ANKRD36C: variants seen among roughly 807,000 people sequenced by gnomAD.
ANKRD36C encodes ankyrin repeat domain-containing protein 36C.
A neutral mutation model predicts 276.4 loss-of-function variants in ANKRD36C; 61 were observed. The ratio of observed to expected loss-of-function variants is 0.22; its 90% CI spans 0.18 to 0.27. ANKRD36C has a LOEUF of 0.27. Among genes scored for constraint, ANKRD36C ranks in the 10% least tolerant of loss-of-function variants. The pLI is 1.00. For synonymous variants in ANKRD36C, 483 were observed against 680.1 expected (o/e 0.71, Z 4.51); for missense variants, 1,447 against 2,032.3 (o/e 0.71, Z 5.54).
chr2:95,881,327 A>G (rs1209682544), intron 56 of ANKRD36C, among the ~76,000 whole-genome samples: 1 of 152,228 alleles, frequency 6.6e-6, no homozygotes, highest in Admixed American at 6.5e-5. Flanking sequence ...ATAATAAATT[A>G]TACATATTTA....
At chr2:95,916,268 C>T (rs1280846831) in intron 36 of ANKRD36C, 97 bp from the exon 39 acceptor site, 1 of 1,564,872 alleles carries the variant, frequency 6.4e-7, no homozygotes, top group Non-Finnish European at 8.6e-7. Flanking sequence ...GAACTCCTGC[C>T]TGTATTAGTG....
rs536833000 is a variant in ANKRD36C at position 95,858,486 on chromosome 2, G to T, written c.3897-994C>A. Among the ~76,000 whole-genome samples, 6 of 152,130 alleles carry T rather than the reference G, an allele frequency of 3.9e-5. No individual in the cohort carries two copies. The East Asian group carries it at 7.7e-4, about 20-fold the overall frequency. ...TAACTCTAGTAAATATTATGAAAAA[G>T]GATGTTGAAAATTATTCAGTAAAGT... On this transcript the variant is annotated intron_variant, in intron 61 of 66. Transcript: ENST00000456556.
At chr2:95,960,528 G>A (rs777163443) in exon 10 of ANKRD36C, 17 of 1,523,520 alleles carry the variant, frequency 1.1e-5, no homozygotes, top group African/African-American at 5.6e-5. Context: ...AAACAGAATC[G>A]TTCTTGTCAC....
Position 95,927,292 on chromosome 2 carries a change from T to C in ANKRD36C, c.1867-6A>G, listed in dbSNP as rs372277988. 2.5e-5 allele frequency: 41 copies of C among 1,609,688 alleles called. No individual in the cohort carries two copies. The highest frequency in any genetic ancestry group is 3.4e-5 in the Non-Finnish European group (40 of 1,178,062). On this transcript the variant is annotated splice_polypyrimidine_tract_variant and splice_region_variant and intron_variant, in intron 27 of 66. Coordinates refer to ENST00000456556, the Ensembl canonical transcript of ANKRD36C. ...TCTTTCTCATCACTTGTAGCCTGAA[T>C]GGGATTTGAAACAAAATAATCAATA... is the stretch of plus-strand genomic sequence containing the variant.
chr2:95,982,463 G>A, intron 3 of ANKRD36C, 101 bp from the exon 4 acceptor site: 1 of 1,057,132 alleles, frequency 9.5e-7, no homozygotes. Context: ...ATATACAATT[G>A]AAAGGTCGTA....
At chr2:95,910,868 T>C (rs970650249) in intron 42 of ANKRD36C, among the ~76,000 whole-genome samples, 1 of 151,422 alleles carries the variant, frequency 6.6e-6, no homozygotes, top group African/African-American at 2.4e-5. Flanking sequence ...ACAAATGTGA[T>C]CTAAAATCAG....
chr2:95,923,546 A>T (rs1677330471), exon 32 of ANKRD36C: 1 of 1,610,828 alleles, frequency 6.2e-7, no homozygotes, highest in South Asian at 1.1e-5. Context: ...TTCAAAGCAG[A>T]ATCTGTCTTG....
intron 44 of ANKRD36C, among the ~76,000 whole-genome samples, chr2:95,892,091 A>G (rs1676382998): frequency 4.6e-5 from 7 of 151,582 alleles, no homozygotes; most frequent in South Asian, 4.1e-4. Context: ...GATTTGTCAT[A>G]TGTCGAAAAC....
At chr2:95,990,512 GCA>G (rs1448964803) in intron 1 of ANKRD36C, among the ~76,000 whole-genome samples, 1 of 152,136 alleles carries the variant, frequency 6.6e-6, no homozygotes, top group Non-Finnish European at 1.5e-5. Context: ...ATCTAGAAAG[GCA>G]AGTCTTTTTT....
Position 95,986,750 on chromosome 2 carries a change from C to T in ANKRD36C, c.486+1G>A. 6.2e-7 allele frequency: 1 copy of T among 1,610,472 alleles called. No individual in the cohort carries two copies. On this transcript the variant is annotated splice_donor_variant, in intron 3 of 66. Transcript: ENST00000456556. LOFTEE classifies it high-confidence loss of function. Reference sequence around the variant, plus strand: ...TGAAAATAACATTGGTTGACCTATACCTCGCTGCATTCTTCAATATTTGCA... The same window carrying T: ...TGAAAATAACATTGGTTGACCTATATCTCGCTGCATTCTTCAATATTTGCA...
At chr2:95,924,639 C>T (rs1358093845) in intron 30 of ANKRD36C, among the ~76,000 whole-genome samples, 2 of 151,586 alleles carry the variant, frequency 1.3e-5, no homozygotes, top group Non-Finnish European at 3.0e-5. Context: ...TAAATTTTAA[C>T]TCATTTGAAT....
At chr2:95,939,904 C>CA (rs766269670) in intron 20 of ANKRD36C, among the ~76,000 whole-genome samples, 7 of 152,104 alleles carry the variant, frequency 4.6e-5, no homozygotes, top group South Asian at 4.1e-4. Context: ...TTCACTTATG[C>CA]AAAAAAAAAG....
intron 56 of ANKRD36C, 21 bp from the exon 77 acceptor site, chr2:95,880,644 A>G: frequency 6.6e-7 from 1 of 1,515,452 alleles, no homozygotes; most frequent in Middle Eastern, 1.7e-4. Context: ...AGAGAAATAT[A>G]TAATCAATCA....
intron 6 of ANKRD36C, among the ~76,000 whole-genome samples, chr2:95,976,185 T>C (rs961629687): frequency 3.9e-5 from 6 of 152,236 alleles, no homozygotes; most frequent in South Asian, 2.1e-4. Context: ...TTGGTGGGAC[T>C]GTAAACTAGT....
chr2:95,861,566 T>C (rs1675584017), intron 60 of ANKRD36C, among the ~76,000 whole-genome samples: 1 of 151,170 alleles, frequency 6.6e-6, no homozygotes, highest in South Asian at 2.1e-4. Flanking sequence ...AATTATATAC[T>C]AAAAATCCTA....
At position 95,851,207 on chromosome 2, in the gene ANKRD36C, C is replaced by G. The variant is rs979599857; in HGVS notation, c.5314-12G>C. ...AACACCTGCAGCATCTGAAATAAAT[C>G]AAATATTACTTATAATGTTTCAGTC... is the stretch of plus-strand genomic sequence containing the variant. On this transcript the variant is annotated splice_polypyrimidine_tract_variant and intron_variant, in intron 66 of 66. Coordinates refer to ENST00000456556, the Ensembl canonical transcript of ANKRD36C. The G allele has an allele frequency of 5.4e-5, 82 of 1,511,182 alleles. No individual in the cohort carries two copies. Among genetic ancestry groups the G allele is most frequent in the Non-Finnish European group, 7.1e-5 (79 of 1,109,030 alleles). The allele number at this position is 1,511,182 out of a possible 1,614,324, so 93.6% of individuals were successfully genotyped here.
At chr2:95,871,536 C>A (rs940079735) in intron 59 of ANKRD36C, among the ~76,000 whole-genome samples, 2 of 152,096 alleles carry the variant, frequency 1.3e-5, no homozygotes, top group African/African-American at 4.8e-5. Context: ...TGGAAAGGAA[C>A]AACCGGTACC....
chr2:95,908,521 A>G (rs1480274227), intron 42 of ANKRD36C: 2 of 1,536,682 alleles, frequency 1.3e-6, no homozygotes, highest in Non-Finnish European at 1.8e-6. Context: ...TTTTTTCTCC[A>G]TGCTTTTTTC....
chr2:95,947,270 A>G (rs1400946748), intron 17 of ANKRD36C, among the ~76,000 whole-genome samples: 1 of 152,034 alleles, frequency 6.6e-6, no homozygotes. Context: ...ACCTCAACTT[A>G]TAGATTCTCA....
Sources: allele counts gnomAD v4.1 joint callset (sites outside exome capture counted in the v4.1 genomes callset), GRCh38; gene constraint gnomAD v4.1.1; transcripts MANE v1.5; gene names NCBI Gene and HGNC (gene_info 2026-07-23, HGNC 2026-07-21).